MILR1: variants seen among roughly 807,000 people sequenced by gnomAD.
MILR1 encodes allergin-1.
Under a neutral mutation model 18.5 loss-of-function variants are expected in MILR1, and 31 were observed. That is an observed-to-expected ratio of 1.68 (90% CI 1.26 to 2.26). The LOEUF is 2.26. Among genes scored for constraint, MILR1 ranks in the 30% most tolerant of loss-of-function variants. The pLI is 0.00. For synonymous variants in MILR1, 85 were observed against 56.2 expected, an observed-to-expected ratio of 1.51 and a Z score of -2.30; for missense variants, 257 against 157.4, an observed-to-expected ratio of 1.63 and a Z score of -3.38.
chr17:64,475,186 G>GAA, the MILR1 span, among the ~76,000 whole-genome samples: 6 of 101,578 alleles, frequency 5.9e-5, no homozygotes, highest in East Asian at 2.9e-4. Flanking sequence ...ACTGTCTCAA[G>GAA]AAAAAAAAAA....
In MILR1 at chr17:64,452,816, A is replaced by C; in HGVS notation, c.317A>C (p.Gln106Pro). ...TCAGGCCCCTACAAATGCAAAGCCC[A>C]AGTTACCAGCTGTTCAAAATACAGT... The part of the protein sequence containing the change: ...HESGPYKCKA[Q>P]VTSCSKYSRD... Residue 106 changes from glutamine (Q) to proline (P), a missense_variant, in exon 3 of 10, where the codon CAA (glutamine) becomes CCA (proline). By Grantham distance (76) the Gln-to-Pro change is moderately conservative. Coordinates refer to ENST00000619286, the MANE Select transcript of MILR1 (RefSeq NM_001085423.2). The C allele has an allele frequency of 2.1e-6, 1 of 475,230 alleles. No individual in the cohort carries two copies. The allele number at this position is 475,230 out of a possible 1,614,324, so 29.4% of individuals were successfully genotyped here. A position where few individuals can be genotyped will look rare whatever the true frequency, so the allele number is the denominator to read the frequency against.
the MILR1 span, chr17:64,490,563 T>C: frequency 5.7e-6 from 3 of 522,728 alleles, no homozygotes; most frequent in Non-Finnish European, 1.0e-5. Context: ...GACCTATAAA[T>C]GCCATTATTG....
intron 2 of MILR1, among the ~76,000 whole-genome samples, chr17:64,451,145 T>TTTC (rs1383522341): frequency 6.6e-5 from 10 of 151,744 alleles, no homozygotes; most frequent in Non-Finnish European, 7.4e-5. Flanking sequence ...GGGTTTTTTT[T>TTTC]TTTCTTTCTT....
the MILR1 span, among the ~76,000 whole-genome samples, chr17:64,486,259 G>A: frequency 6.6e-6 from 1 of 152,076 alleles, no homozygotes; most frequent in Non-Finnish European, 1.5e-5. Flanking sequence ...GATTCTGAAC[G>A]AACTCAACTG....
chr17:64,493,018 G>A, the MILR1 span: 1 of 1,613,978 alleles, frequency 6.2e-7, no homozygotes, highest in Admixed American at 1.7e-5. Context: ...GTGTTCCAAG[G>A]CACCTGTCAA....
the MILR1 span, chr17:64,496,609 C>G: frequency 1.2e-6 from 2 of 1,613,868 alleles, no homozygotes; most frequent in South Asian, 1.1e-5. Flanking sequence ...GCTCCCTGAA[C>G]ACCACCACCG....
At chr17:64,496,349 A>G in the MILR1 span, 1 of 1,142,374 alleles carries the variant, frequency 8.8e-7, no homozygotes, top group Non-Finnish European at 1.3e-6. Flanking sequence ...AGATCCAGCA[A>G]GACTGCCTCG....
At chr17:64,492,879 T>G in the MILR1 span, 5 of 1,613,948 alleles carry the variant, frequency 3.1e-6, no homozygotes, top group South Asian at 5.5e-5. Flanking sequence ...GCCAAGTTAT[T>G]TGCCACTTTT....
chr17:64,485,943 C>T, the MILR1 span: 14 of 1,461,692 alleles, frequency 9.6e-6, no homozygotes, highest in South Asian at 5.8e-5. Flanking sequence ...GACGGAGTCT[C>T]ACTCTGTCAC....
chr17:64,460,670 C>T (rs1378652267), intron 4 of MILR1, among the ~76,000 whole-genome samples, 152 bp from the exon 5 acceptor site: 13 of 152,052 alleles, frequency 8.5e-5, no homozygotes, highest in African/African-American at 3.1e-4. Context: ...CTAATAAGTC[C>T]CGTGAGTTTT....
the MILR1 span, among the ~76,000 whole-genome samples, chr17:64,475,954 C>G: frequency 6.6e-6 from 1 of 151,466 alleles, no homozygotes; most frequent in Non-Finnish European, 1.5e-5. Flanking sequence ...GCTGGGATTA[C>G]AGGCGCCCAC....
chr17:64,459,987 TTTTATTTTATTTA>T (rs1380620673), intron 4 of MILR1, among the ~76,000 whole-genome samples: 2,290 of 130,974 alleles, frequency 0.017, 29 homozygotes, highest in African/African-American at 0.044. Context: ...TTTTATTTTA[TTTTATTTTATTTA>T]TTTATTTATT....
chr17:64,476,298 A>AT, the MILR1 span, among the ~76,000 whole-genome samples: 6 of 152,090 alleles, frequency 3.9e-5, no homozygotes, highest in East Asian at 1.9e-4. Context: ...ATGTAGTGTT[A>AT]TTTTTTTAAT....
chr17:64,470,007 T>C (rs2037663436), downstream of MILR1, among the ~76,000 whole-genome samples: 5 of 152,190 alleles, frequency 3.3e-5, no homozygotes, highest in Admixed American at 3.3e-4. Flanking sequence ...AGTGACTGGC[T>C]AACAGATACA....
At chr17:64,488,083 G>C in the MILR1 span, among the ~76,000 whole-genome samples, 4 of 151,938 alleles carry the variant, frequency 2.6e-5, no homozygotes, top group Admixed American at 2.6e-4. Flanking sequence ...GGCCTAAGAG[G>C]CTGGGTGCAG....
the MILR1 span, among the ~76,000 whole-genome samples, chr17:64,478,812 G>A: frequency 3.7e-4 from 56 of 152,102 alleles, no homozygotes; most frequent in Non-Finnish European, 6.8e-4. Context: ...CAGGAGAATC[G>A]CTTGAACACG....
chr17:64,490,819 G>A, the MILR1 span: 1 of 1,612,606 alleles, frequency 6.2e-7, no homozygotes, highest in South Asian at 1.1e-5. Context: ...ACATTGCCAG[G>A]ATACATGTGT....
At chr17:64,491,713 T>C in the MILR1 span, 1 of 947,918 alleles carries the variant, frequency 1.1e-6, no homozygotes, top group Non-Finnish European at 1.7e-6. Flanking sequence ...ACCATGGTGC[T>C]GGCAGGGTAC....
the MILR1 span, among the ~76,000 whole-genome samples, chr17:64,479,802 G>A: frequency 3.3e-5 from 5 of 152,322 alleles, no homozygotes; most frequent in South Asian, 2.1e-4. Context: ...TGTAGAGAAT[G>A]AGGAAGAGGG....
Sources: gnomAD v4.1 joint callset for allele counts (sites outside exome capture counted in the v4.1 genomes callset) on GRCh38, gnomAD v4.1.1 for gene constraint, MANE v1.5 for transcripts, NCBI Gene and HGNC (gene_info 2026-07-23, HGNC 2026-07-21) for gene names.